Variants in MTHFD1L observed in about 807,000 individuals in gnomAD.
MTHFD1L encodes monofunctional C1-tetrahydrofolate synthase, mitochondrial.
MTHFD1L carries 81 observed loss-of-function variants against 119.5 expected under a neutral mutation model. The observed-to-expected ratio is 0.68, with a 90% CI of 0.57 to 0.82. The LOEUF (loss-of-function observed/expected upper bound fraction) is 0.82, where lower values mean the gene tolerates loss of function less well. Ranked by LOEUF, MTHFD1L falls within the 40% of genes least tolerant of loss-of-function variation. The pLI, the probability that MTHFD1L is intolerant of heterozygous loss-of-function variation, is 0.00. For missense variants in MTHFD1L, 1,125 were observed against 1,253.4 expected (o/e 0.90, Z 1.55); for synonymous variants, 430 against 475.2 (o/e 0.90, Z 1.24).
At chr6:151,004,223 G>T (rs1247114619) in intron 20 of MTHFD1L, among the ~76,000 whole-genome samples, 1 of 151,970 alleles carries the variant, frequency 6.6e-6, no homozygotes, top group Admixed American at 6.6e-5. Context: ...TACTTGGGAG[G>T]CTGAGGCAGA....
At chr6:150,909,195 G>T (rs1367202350) in intron 8 of MTHFD1L, among the ~76,000 whole-genome samples, 1 of 151,290 alleles carries the variant, frequency 6.6e-6, no homozygotes, top group African/African-American at 2.4e-5. Context: ...ACTATTGCAT[G>T]AGTCCAATGT....
intron 1 of MTHFD1L, among the ~76,000 whole-genome samples, chr6:150,874,055 C>T (rs951454365): frequency 5.3e-5 from 8 of 152,066 alleles, no homozygotes; most frequent in African/African-American, 1.4e-4. Flanking sequence ...TTCCTGGACC[C>T]AGACAAAAAT....
intron 16 of MTHFD1L, among the ~76,000 whole-genome samples, chr6:150,950,405 C>T (rs1794678218): frequency 6.6e-6 from 1 of 152,198 alleles, no homozygotes; most frequent in Non-Finnish European, 1.5e-5. Context: ...CCCAGCCAGT[C>T]CATTAAGAAT....
Position 150,866,064 on chromosome 6 carries a change from T to C in MTHFD1L, c.227+15T>C, listed in dbSNP as rs1402277240. On this transcript the variant is annotated intron_variant, in intron 1 of 27. Coordinates refer to ENST00000367321, the MANE Select transcript of MTHFD1L (RefSeq NM_015440.5). The stretch of plus-strand genomic sequence containing the variant: ...TCCATCGTCAGGTGAGTGTCGGGTC[T>C]GGCCCTGGCCCAGGTCTCCAGCGGC... 1.2e-5 allele frequency: 17 copies of C among 1,478,244 alleles called. No individual in the cohort carries two copies. The highest frequency in any genetic ancestry group is 2.3e-4 in the Middle Eastern group (1 of 4,304). 91.6% of individuals were successfully genotyped at this position (1,478,244 alleles called of 1,614,324 possible).
At chr6:150,900,473 C>G (rs1168351726) in intron 7 of MTHFD1L, among the ~76,000 whole-genome samples, 1 of 152,162 alleles carries the variant, frequency 6.6e-6, no homozygotes, top group African/African-American at 2.4e-5. Context: ...ATCCACACTT[C>G]TGGTTTTAAC....
At chr6:150,995,941 G>A (rs1395385280) in intron 20 of MTHFD1L, among the ~76,000 whole-genome samples, 1 of 151,116 alleles carries the variant, frequency 6.6e-6, no homozygotes, top group Non-Finnish European at 1.5e-5. Flanking sequence ...GATTACAGGC[G>A]TGAGCCACGG....
chr6:150,938,249 C>G (rs1343072306), intron 12 of MTHFD1L, among the ~76,000 whole-genome samples: 1 of 151,934 alleles, frequency 6.6e-6, no homozygotes, highest in African/African-American at 2.4e-5. Flanking sequence ...AACTCCTGAC[C>G]TCAAGTGATC....
At chr6:151,063,085 G>A (rs1790836531) in intron 26 of MTHFD1L, among the ~76,000 whole-genome samples, 1 of 152,084 alleles carries the variant, frequency 6.6e-6, no homozygotes, top group Admixed American at 6.6e-5. Flanking sequence ...CATGTGATTT[G>A]GCTTTGGTCT....
At chr6:150,876,236 T>C in intron 2 of MTHFD1L, 62 bp downstream of exon 2, 1 of 1,308,588 alleles carries the variant, frequency 7.6e-7, no homozygotes, top group Non-Finnish European at 1.0e-6. Flanking sequence ...AGAAAATGAT[T>C]GTATACAAAA....
intron 19 of MTHFD1L, among the ~76,000 whole-genome samples, chr6:150,967,592 G>A (rs1057135814): frequency 2.0e-5 from 3 of 152,088 alleles, no homozygotes; most frequent in African/African-American, 4.8e-5. Context: ...CTTCCAGCTC[G>A]CTGCTTCCCT....
At position 150,917,495 on chromosome 6, in the gene MTHFD1L, T is replaced by TA. The variant is rs200686545; in HGVS notation, c.893-1070dup. Among the ~76,000 whole-genome samples, 217 of 143,608 alleles carry TA rather than the reference T, an allele frequency of 1.5e-3. 4 individuals carry two copies. The East Asian group carries it at 0.039, about 26-fold the overall frequency. The allele number at this position is 143,608 out of a possible 152,430, so 94.2% of individuals were successfully genotyped here. A position where few individuals can be genotyped will look rare whatever the true frequency, so the allele number is the denominator to read the frequency against. On this transcript the variant is annotated intron_variant, in intron 8 of 27. Transcript: ENST00000367321. Reference sequence around the variant, plus strand: ...ACAGAGAGAGACTCTATCTCAAAAATAAAAAAAAAAAATTTTTTTAGATCC... The same window carrying TA: ...ACAGAGAGAGACTCTATCTCAAAAATAAAAAAAAAAAAATTTTTTTAGATCC...
chr6:150,874,977 T>C (rs1019024626), intron 1 of MTHFD1L, among the ~76,000 whole-genome samples: 2 of 151,990 alleles, frequency 1.3e-5, no homozygotes, highest in African/African-American at 4.8e-5. Context: ...CTTGAACTCC[T>C]GACCTTGTGA....
chr6:150,915,539 G>A (rs139223163), intron 8 of MTHFD1L, among the ~76,000 whole-genome samples: 1 of 152,240 alleles, frequency 6.6e-6, no homozygotes, highest in East Asian at 1.9e-4. Context: ...ATTAAATTCT[G>A]GAAATATGCA....
At chr6:151,002,402 T>C (rs1287320154) in intron 20 of MTHFD1L, among the ~76,000 whole-genome samples, 1 of 152,192 alleles carries the variant, frequency 6.6e-6, no homozygotes, top group East Asian at 1.9e-4. Flanking sequence ...CCTGGCTACA[T>C]AGAAAATGTT....
chr6:150,972,136 T>G, intron 20 of MTHFD1L, 78 bp downstream of exon 20: 2 of 1,260,020 alleles, frequency 1.6e-6, no homozygotes, highest in Non-Finnish European at 2.3e-6. Flanking sequence ...TGGAGTGATA[T>G]CCATCCTGAC....
intron 12 of MTHFD1L, among the ~76,000 whole-genome samples, 188 bp from the exon 13 acceptor site, chr6:150,938,511 A>G (rs1347269664): frequency 6.6e-6 from 1 of 152,128 alleles, no homozygotes; most frequent in Admixed American, 6.5e-5. Context: ...TAGTTAGACA[A>G]AGTGTCAACT....
chr6:150,895,352 C>T (rs955998694), intron 7 of MTHFD1L, among the ~76,000 whole-genome samples: 4 of 152,216 alleles, frequency 2.6e-5, no homozygotes, highest in Admixed American at 2.0e-4. Flanking sequence ...GCCCTGCTCC[C>T]TCGGGAGTCT....
chr6:150,898,893 A>G, intron 7 of MTHFD1L: 1 of 583,106 alleles, frequency 1.7e-6, no homozygotes, highest in South Asian at 2.2e-5. Flanking sequence ...GCTGGAGTGC[A>G]GGCGCGTGAT....
At chr6:150,977,794 T>C (rs1157673795) in intron 20 of MTHFD1L, among the ~76,000 whole-genome samples, 1 of 152,186 alleles carries the variant, frequency 6.6e-6, no homozygotes, top group Non-Finnish European at 1.5e-5. Flanking sequence ...CAGGTGTCAT[T>C]AACTGAGGGT....
Sources: allele counts gnomAD v4.1 joint callset (sites outside exome capture counted in the v4.1 genomes callset), GRCh38; gene constraint gnomAD v4.1.1; transcripts MANE v1.5; gene names NCBI Gene and HGNC (gene_info 2026-07-23, HGNC 2026-07-21).